The following MDM4 variants were observed in gnomAD, a reference collection of about 807,000 sequenced individuals.
MDM4 encodes protein Mdm4.
In MDM4, 2 loss-of-function variants were observed where a neutral mutation model predicts 60.2. The ratio of observed to expected loss-of-function variants is 0.03; its 90% confidence interval spans 0.01 to 0.10. The LOEUF (loss-of-function observed/expected upper bound fraction) is 0.10, where lower values mean the gene tolerates loss of function less well. Ranked by LOEUF, MDM4 falls within the 10% of genes least tolerant of loss-of-function variation. The pLI is 1.00. For missense variants in MDM4, 447 were observed against 577.5 expected (o/e 0.77, Z 2.32); for synonymous variants, 202 against 198.1 (o/e 1.02, Z -0.17).
At chr1:204,539,071 G>T (rs973449258) in intron 7 of MDM4, among the ~76,000 whole-genome samples, 1 of 151,964 alleles carries the variant, frequency 6.6e-6, no homozygotes, top group African/African-American at 2.4e-5. Flanking sequence ...GTTTCCCCAC[G>T]TTGGTTAGGC....
chr1:204,530,951 A>G lies in MDM4; in HGVS notation c.287+134A>G, dbSNP rs143204100. 893 of 1,148,382 alleles carry G rather than the reference A, an allele frequency of 7.8e-4. 18 individuals are homozygous for G. The East Asian group carries it at 0.021, about 27-fold the overall frequency. 71.1% of individuals were successfully genotyped at this position (1,148,382 alleles called of 1,614,324 possible). The stretch of plus-strand genomic sequence containing the variant: ...ACATATGTTAGGTAGCCTATGAGGC[A>G]CTGAGAATATGGTAATGAGCGACAC... On this transcript the variant is annotated intron_variant, in intron 4 of 10. Coordinates refer to ENST00000367182, the MANE Select transcript of MDM4 (RefSeq NM_002393.5).
chr1:204,525,551 A>G lies in MDM4; in HGVS notation c.33A>G (p.Ser11=). 6.2e-7 allele frequency: 1 copy of G among 1,612,292 alleles called. No homozygotes were observed. Among genetic ancestry groups the G allele is most frequent in the Non-Finnish European group, 8.5e-7 (1 of 1,179,338 alleles). Residue 11 remains serine (S), a synonymous_variant, in exon 2 of 11, where the codon TCA becomes TCG. Coordinates refer to ENST00000367182, the MANE Select transcript of MDM4 (RefSeq NM_002393.5). ...CATTTTCCACCTCTGCTCAGTGTTC[A>G]ACATCTGACAGTGCTTGCAGGATCT... MTSFSTSAQC[S]TSDSACRISP... is the part of the protein sequence containing the mutation.
chr1:204,520,642 T>C (rs534641138), intron 1 of MDM4, among the ~76,000 whole-genome samples: 12 of 152,182 alleles, frequency 7.9e-5, no homozygotes, highest in Middle Eastern at 3.4e-3. Flanking sequence ...CCCAACACTT[T>C]CGTTGAGAGA....
In MDM4 at chr1:204,556,972, TG is replaced by T. The variant is rs1663576638; in HGVS notation, c.*7291del. 4.8e-6 allele frequency: 1 copy of T among 208,676 alleles called. No individual in the cohort carries two copies. Among genetic ancestry groups the T allele is most frequent in the East Asian group, 7.2e-5 (1 of 13,860 alleles). The allele number at this position is 208,676 out of a possible 1,614,324, so 12.9% of individuals were successfully genotyped here. A position where few individuals can be genotyped will look rare whatever the true frequency, so the allele number is the denominator to read the frequency against. The stretch of plus-strand genomic sequence containing the variant: ...CTTGGGTAGAGGTAGAGTTAAGTAT[TG>T]AGTGCCAGTCTTGACGTCCGTATGC... On this transcript the variant is annotated 3_prime_UTR_variant, in exon 11 of 11. Coordinates refer to ENST00000367182, the MANE Select transcript of MDM4 (RefSeq NM_002393.5).
chr1:204,528,750 G>GGA, intron 3 of MDM4: 1 of 748,798 alleles, frequency 1.3e-6, no homozygotes, highest in Non-Finnish European at 2.3e-6. Context: ...TCTTCTAGAG[G>GGA]GACAGGAAAA....
intron 1 of MDM4, among the ~76,000 whole-genome samples, chr1:204,523,488 T>TTTC (rs1157673237): frequency 1.7e-5 from 2 of 119,666 alleles, no homozygotes; most frequent in Non-Finnish European, 1.8e-5. Context: ...TTTTTTTTTT[T>TTTC]TTTTTTTTTT....
In MDM4 at chr1:204,554,470, A is replaced by G. The variant is rs1663419212; in HGVS notation, c.*4788A>G. On this transcript the variant is annotated 3_prime_UTR_variant, in exon 11 of 11. Coordinates refer to ENST00000367182, the MANE Select transcript of MDM4 (RefSeq NM_002393.5). ...AATGGCCATAGATTAGGAACTAGCT[A>G]TGTTTTTAGAATCAAAGATGAACCG... 8.9e-6 allele frequency: 2 copies of G among 225,324 alleles called. No homozygotes were observed. The highest frequency in any genetic ancestry group is 6.5e-5 in the East Asian group (1 of 15,488). 14.0% of individuals were successfully genotyped at this position (225,324 alleles called of 1,614,324 possible). A position where few individuals can be genotyped will look rare whatever the true frequency, so the allele number is the denominator to read the frequency against.
In MDM4 at chr1:204,553,427, T is replaced by C. The variant is rs936537330; in HGVS notation, c.*3745T>C. Reference sequence around the variant, plus strand: ...GCATCCCACCTGGTTTCTTTCTGCATGTCCCCTTTCACTTTCAAACCTCTT... The same window carrying C: ...GCATCCCACCTGGTTTCTTTCTGCACGTCCCCTTTCACTTTCAAACCTCTT... On this transcript the variant is annotated 3_prime_UTR_variant, in exon 11 of 11. Transcript: ENST00000367182. 2.7e-5 allele frequency: 6 copies of C among 226,172 alleles called. No individual in the cohort carries two copies. Among genetic ancestry groups the C allele is most frequent in the African/African-American group, 1.3e-4 (6 of 45,064 alleles). The allele number at this position is 226,172 out of a possible 1,614,324, so 14.0% of individuals were successfully genotyped here.
At position 204,554,352 on chromosome 1, in the gene MDM4, A is replaced by G. The variant is rs1166987603; in HGVS notation, c.*4670A>G. The G allele has an allele frequency of 2.7e-5, 6 of 225,736 alleles. No homozygotes were observed. The highest frequency in any genetic ancestry group is 5.3e-5 in the Non-Finnish European group (6 of 113,514). The allele number at this position is 225,736 out of a possible 1,614,324, so 14.0% of individuals were successfully genotyped here. A position where few individuals can be genotyped will look rare whatever the true frequency, so the allele number is the denominator to read the frequency against. Reference sequence around the variant, plus strand: ...TTATCTGCTTAAATTGTTCAGAACTATATCCTAACGAGCAATTAGTTCTGA... The same window carrying G: ...TTATCTGCTTAAATTGTTCAGAACTGTATCCTAACGAGCAATTAGTTCTGA... On this transcript the variant is annotated 3_prime_UTR_variant, in exon 11 of 11. Transcript: ENST00000367182.
Position 204,532,419 on chromosome 1 carries a change from A to G in MDM4, c.343+173A>G, listed in dbSNP as rs1323963348. 3 of 586,800 alleles carry G rather than the reference A, an allele frequency of 5.1e-6. No individual in the cohort carries two copies. In the Admixed American group the frequency reaches 1.0e-4, roughly 20 times the overall value. The allele number at this position is 586,800 out of a possible 1,614,324, so 36.3% of individuals were successfully genotyped here. On this transcript the variant is annotated intron_variant, in intron 5 of 10. Coordinates refer to ENST00000367182, the MANE Select transcript of MDM4 (RefSeq NM_002393.5). ...TATGTTATTAACTTTTTACTGAAAA[A>G]TCAAACATAGAGTAGAAGGATTTCC...
In MDM4 at chr1:204,549,142, A is replaced by C. The variant is rs750804706; in HGVS notation, c.933A>C (p.Lys311Asn). 6.2e-7 allele frequency: 1 copy of C among 1,612,108 alleles called. No individual in the cohort carries two copies. The highest frequency in any genetic ancestry group is 1.7e-5 in the Admixed American group (1 of 59,738). ...EDEWQCTECK[K>N]FNSPSKRYCF... ...AGTGGCAGTGTACTGAATGCAAGAA[A>C]TTTAACTCTCCAAGCAAGAGGTACT... is the stretch of plus-strand genomic sequence containing the variant. The change falls in exon 11 of 11, where the codon AAA becomes AAC. Residue 311 changes from lysine to asparagine, a missense_variant. Lys to Asn is a moderately conservative substitution (Grantham distance 94). Around this residue, in one of 8 missense-constraint regions of MDM4, gnomAD observed 21 missense variants for 46.7 expected, o/e 0.45. Transcript: ENST00000367182.
chr1:204,516,960 C>T (rs1281433678), intron 1 of MDM4, among the ~76,000 whole-genome samples: 1 of 152,158 alleles, frequency 6.6e-6, no homozygotes, highest in African/African-American at 2.4e-5. Flanking sequence ...CTTGTTTTGG[C>T]TTGGCGCGGT....
chr1:204,550,920 C>G lies in MDM4; in HGVS notation c.*1238C>G. The G allele has an allele frequency of 5.5e-6, 1 of 182,652 alleles. No individual in the cohort carries two copies. Among genetic ancestry groups the G allele is most frequent in the East Asian group, 8.9e-5 (1 of 11,216 alleles). 11.3% of individuals were successfully genotyped at this position (182,652 alleles called of 1,614,324 possible). Reference sequence around the variant, plus strand: ...GTCCTGTCATATAAACTGGCAAAGTCTGTTCTTAATTTAATTAGCCAAATC... The same window carrying G: ...GTCCTGTCATATAAACTGGCAAAGTGTGTTCTTAATTTAATTAGCCAAATC... On this transcript the variant is annotated 3_prime_UTR_variant, in exon 11 of 11. Transcript: ENST00000367182.
chr1:204,544,966 A>G (rs780830542), intron 9 of MDM4, among the ~76,000 whole-genome samples: 5 of 152,224 alleles, frequency 3.3e-5, no homozygotes, highest in Non-Finnish European at 5.9e-5. Context: ...GGTGCTAATC[A>G]AGCTTGTCCA....
intron 3 of MDM4, chr1:204,529,100 G>T: frequency 7.5e-7 from 1 of 1,339,062 alleles, no homozygotes; most frequent in Non-Finnish European, 1.1e-6. Flanking sequence ...AGCTAATGGA[G>T]CCTGAGTTGT....
Position 204,549,311 on chromosome 1 carries a change from G to C in MDM4, c.1102G>C (p.Ala368Pro), listed in dbSNP as rs1288732549. The C allele has an allele frequency of 1.2e-6, 2 of 1,614,124 alleles. No homozygotes were observed. The highest frequency in any genetic ancestry group is 1.7e-6 in the Non-Finnish European group (2 of 1,179,998). ...CCCTGATTGTCGAAGAACCATTTCG[G>C]CTCCTGTCGTTAGACCTAAAGATGC... Reference protein sequence around the residue: ...DVPDCRRTISAPVVRPKDAYI... With the variant: ...DVPDCRRTISPPVVRPKDAYI... Residue 368 changes from alanine to proline, a missense_variant, in exon 11 of 11, where the codon GCT (alanine) becomes CCT (proline). Physicochemically the swap from Ala to Pro is conservative, Grantham distance 27. Transcript: ENST00000367182.
intron 5 of MDM4, among the ~76,000 whole-genome samples, chr1:204,533,186 A>G (rs1158924198): frequency 6.6e-6 from 1 of 152,252 alleles, no homozygotes; most frequent in Non-Finnish European, 1.5e-5. Context: ...AACTGGCTGT[A>G]CTGGAGTCTG....
intron 1 of MDM4, among the ~76,000 whole-genome samples, chr1:204,519,766 A>G (rs1268022599): frequency 6.6e-6 from 1 of 152,064 alleles, no homozygotes; most frequent in Non-Finnish European, 1.5e-5. Flanking sequence ...GTAAGCCATG[A>G]TCACGGCACT....
At chr1:204,517,098 A>T (rs890788035) in intron 1 of MDM4, among the ~76,000 whole-genome samples, 2 of 151,726 alleles carry the variant, frequency 1.3e-5, no homozygotes, top group African/African-American at 4.8e-5. Flanking sequence ...AAAATATTAG[A>T]TGTGTGTGGT....
Sources: gnomAD v4.1 joint callset for allele counts (sites outside exome capture counted in the v4.1 genomes callset) on GRCh38, gnomAD v4.1.1 for gene constraint, gnomAD v4.1.1 regional missense constraint, MANE v1.5 for transcripts, NCBI Gene and HGNC (gene_info 2026-07-23, HGNC 2026-07-21) for gene names.